UBP1: variants seen among roughly 807,000 people sequenced by gnomAD.
UBP1 encodes the protein upstream binding protein 1.
In UBP1, 22 loss-of-function variants were observed where a neutral mutation model predicts 76.1. That is an observed-to-expected ratio of 0.29 (90% CI 0.21 to 0.41). The LOEUF is 0.41. Among genes scored for constraint, UBP1 ranks in the 10% least tolerant of loss-of-function variants. The pLI is 1.00. For missense variants in UBP1, 436 were observed against 668.1 expected, an observed-to-expected ratio of 0.65 and a Z score of 3.83; for synonymous variants, 224 against 237.1, an observed-to-expected ratio of 0.94 and a Z score of 0.51.
At chr3:33,426,325 C>G (rs2045017321) in intron 1 of UBP1, among the ~76,000 whole-genome samples, 1 of 152,028 alleles carries the variant, frequency 6.6e-6, no homozygotes, top group South Asian at 2.1e-4. Flanking sequence ...GCAGTCGCAG[C>G]AGCTGCTATT....
intron 13 of UBP1, among the ~76,000 whole-genome samples, chr3:33,395,665 C>T (rs2043949732): frequency 1.3e-5 from 2 of 148,896 alleles, no homozygotes; most frequent in Non-Finnish European, 1.5e-5. Context: ...AGTGACAAGT[C>T]CACACACTTA....
chr3:33,409,202 T>G, intron 7 of UBP1, 34 bp downstream of exon 7: 3 of 1,602,900 alleles, frequency 1.9e-6, no homozygotes, highest in Non-Finnish European at 2.6e-6. Flanking sequence ...CAACCTTTGC[T>G]TCTCTTCCAA....
chr3:33,412,391 G>T (rs1357060567), intron 4 of UBP1, among the ~76,000 whole-genome samples: 2 of 151,728 alleles, frequency 1.3e-5, no homozygotes. Context: ...ATGTATGTGT[G>T]TGCGTATGTA....
chr3:33,402,725 G>C, intron 9 of UBP1, 76 bp downstream of exon 9: 1 of 1,099,426 alleles, frequency 9.1e-7, no homozygotes, highest in Non-Finnish European at 1.3e-6. Flanking sequence ...AAAGGCTGCT[G>C]TACATGGAGA....
In UBP1 at chr3:33,439,031, C is replaced by A. The variant is rs76703387; in HGVS notation, c.113+705G>T. On this transcript the variant is annotated intron_variant, in intron 1 of 15. Coordinates refer to ENST00000283629, the MANE Select transcript of UBP1 (RefSeq NM_014517.5). ...CCTAACAGTTAAAAAGGATAAAGGG[C>A]GGAGACTAAGCTCAGATCTGTTTCA... Among the ~76,000 whole-genome samples the A allele has an allele frequency of 9.8e-4, 150 of 152,296 alleles. 4 individuals are homozygous for A. The East Asian group carries it at 0.015, about 16-fold the overall frequency.
intron 14 of UBP1, 102 bp from the exon 15 acceptor site, chr3:33,392,716 T>C: frequency 9.2e-7 from 1 of 1,086,130 alleles, no homozygotes; most frequent in Non-Finnish European, 1.3e-6. Context: ...AACACAGGAC[T>C]CAATGGCCAA....
At chr3:33,426,587 A>G (rs752560605) in intron 1 of UBP1, among the ~76,000 whole-genome samples, 2 of 152,174 alleles carry the variant, frequency 1.3e-5, no homozygotes, top group Admixed American at 6.5e-5. Flanking sequence ...GTCACTCACC[A>G]TACTATCCCA....
chr3:33,435,558 AG>A (rs1313460442), intron 1 of UBP1, among the ~76,000 whole-genome samples: 1 of 152,194 alleles, frequency 6.6e-6, no homozygotes, highest in African/African-American at 2.4e-5. Context: ...AGACTGCATA[AG>A]CCCAGGAAAG....
chr3:33,393,365 T>C lies in UBP1; in HGVS notation c.1480A>G (p.Asn494Asp). Residue 494 changes from asparagine (N) to aspartate (D), a missense_variant, in exon 14 of 16, where the codon AAT becomes GAT. Physicochemically the swap from Asn to Asp is conservative, Grantham distance 23 (BLOSUM62 1). Transcript: ENST00000283629. ...LVFNIPLHQI[N>D]QVYRQGPTGI... ...GTGGGACCCTGTCTGTAAACCTGAT[T>C]AATTTGGTGGAGAGGGATATTAAAC... The C allele has an allele frequency of 6.2e-7, 1 of 1,613,276 alleles. No individual in the cohort carries two copies. Among genetic ancestry groups the C allele is most frequent in the Non-Finnish European group, 8.5e-7 (1 of 1,179,570 alleles).
rs1056704181 is a variant in UBP1, at chr3:33,390,090, G to A, written c.*241C>T. 1.7e-5 allele frequency: 8 copies of A among 466,076 alleles called. No individual in the cohort carries two copies. Among genetic ancestry groups the A allele is most frequent in the Admixed American group, 7.2e-5 (2 of 27,684 alleles). The allele number at this position is 466,076 out of a possible 1,614,324, so 28.9% of individuals were successfully genotyped here. On this transcript the variant is annotated 3_prime_UTR_variant, in exon 16 of 16. Coordinates refer to ENST00000283629, the MANE Select transcript of UBP1 (RefSeq NM_014517.5). ...AGCAGCAGGCAGCTATGCCTGCACCGTGGCCTCCAGAGCTGGATGCATGCT... is the reference window on the plus strand; with the variant it reads ...AGCAGCAGGCAGCTATGCCTGCACCATGGCCTCCAGAGCTGGATGCATGCT...
chr3:33,400,930 G>C, intron 10 of UBP1, 32 bp downstream of exon 10: 1 of 1,584,368 alleles, frequency 6.3e-7, no homozygotes, highest in Non-Finnish European at 8.6e-7. Context: ...AACCCTGAAA[G>C]CATCAGATAG....
At chr3:33,408,216 C>T (rs1030334833) in intron 8 of UBP1, among the ~76,000 whole-genome samples, 10 of 152,116 alleles carry the variant, frequency 6.6e-5, no homozygotes, top group South Asian at 2.1e-4. Flanking sequence ...AAGAACTGCA[C>T]GTGTTAATGT....
intron 4 of UBP1, 33 bp downstream of exon 4, chr3:33,412,689 T>A (rs369351343): frequency 3.0e-6 from 4 of 1,343,644 alleles, no homozygotes; most frequent in Non-Finnish European, 4.3e-6. Flanking sequence ...AACAATACCC[T>A]CATCTCCATG....
At chr3:33,416,682 A>G in intron 3 of UBP1, 76 bp downstream of exon 3, 1 of 1,169,790 alleles carries the variant, frequency 8.5e-7, no homozygotes, top group East Asian at 2.5e-5. Flanking sequence ...TATTGAAGTG[A>G]AATTAATTTT....
rs376216210 is a variant in UBP1 at position 33,439,811 on chromosome 3, G to A, written c.38C>T (p.Ser13Phe). 6.2e-7 allele frequency: 1 copy of A among 1,612,772 alleles called. No individual in the cohort carries two copies. The stretch of plus-strand genomic sequence containing the variant: ...GGCGTCGAAGTCGTGCACCAGCCCG[G>A]ACTCGATCACCTCGTCCATCTTGAG... ...WVLKMDEVIE[S>F]GLVHDFDASL... is the part of the protein sequence containing the mutation. The change falls in exon 1 of 16, where the codon TCC (serine) becomes TTC (phenylalanine). Residue 13 changes from serine (S) to phenylalanine (F), a missense_variant. By Grantham distance (155) the Ser-to-Phe change is radical (BLOSUM62 -2). This residue lies in a region of UBP1 where 161 missense variants were observed against 237.9 expected (regional missense o/e 0.68). Coordinates refer to ENST00000283629, the MANE Select transcript of UBP1 (RefSeq NM_014517.5).
In UBP1 at chr3:33,389,109, A is replaced by G. The variant is rs576075092; in HGVS notation, c.*1222T>C. On this transcript the variant is annotated 3_prime_UTR_variant, in exon 16 of 16. Transcript: ENST00000283629. ...GACGGAGATATGGGAGGAAAGTGAG[A>G]AAACAGTGGATTCCCTTTGAAAAGT... 6.5e-6 allele frequency: 1 copy of G among 152,780 alleles called. No homozygotes were observed. The highest frequency in any genetic ancestry group is 2.4e-5 in the African/African-American group (1 of 41,586). 9.5% of individuals were successfully genotyped at this position (152,780 alleles called of 1,614,324 possible).
intron 1 of UBP1, among the ~76,000 whole-genome samples, chr3:33,430,327 G>A (rs1474858384): frequency 6.6e-6 from 1 of 152,204 alleles, no homozygotes; most frequent in South Asian, 2.1e-4. Context: ...AGAACAACTA[G>A]ATGCTCAGGG....
chr3:33,436,043 C>A (rs1324572939), intron 1 of UBP1, among the ~76,000 whole-genome samples: 1 of 152,062 alleles, frequency 6.6e-6, no homozygotes. Flanking sequence ...CATAATAAAC[C>A]CTACCCTTGC....
chr3:33,425,643 G>A lies in UBP1; in HGVS notation c.212C>T (p.Ala71Val), dbSNP rs2044997748. The A allele has an allele frequency of 1.3e-6, 2 of 1,599,402 alleles. No homozygotes were observed. Among genetic ancestry groups the A allele is most frequent in the Admixed American group, 1.7e-5 (1 of 59,866 alleles). ...ATGCAGTTTTACTGCTGGTGACGTT[G>A]CAGCACACATCACATACTGAAAGGG... ...HPPFQYVMCA[A>V]TSPAVKLHDE... The change falls in exon 2 of 16, where the codon GCA becomes GTA. Residue 71 changes from alanine (A) to valine (V), a missense_variant. Around this residue, in one of 3 missense-constraint regions of UBP1, gnomAD observed 161 missense variants for 237.9 expected, o/e 0.68. Transcript: ENST00000283629.
Sources: gnomAD v4.1 joint callset for allele counts (sites outside exome capture counted in the v4.1 genomes callset) on GRCh38, gnomAD v4.1.1 for gene constraint, gnomAD v4.1.1 regional missense constraint, MANE v1.5 for transcripts, NCBI Gene and HGNC (gene_info 2026-07-23, HGNC 2026-07-21) for gene names.